The following SCHIP1 variants were observed in gnomAD, a reference collection of about 807,000 sequenced individuals.
The protein encoded by SCHIP1 is schwannomin interacting protein 1.
SCHIP1 carries 8 observed loss-of-function variants against 29.7 expected under a neutral mutation model. The ratio of observed to expected loss-of-function variants is 0.27; its 90% CI spans 0.16 to 0.49. The LOEUF (loss-of-function observed/expected upper bound fraction) is 0.49. SCHIP1 is among the 20% of genes least tolerant of loss of function. The probability of loss-of-function intolerance (pLI) is 0.99; values close to 1 mark genes in which losing one functional copy is unlikely to be tolerated. For missense variants in SCHIP1, 193 were observed against 294.6 expected (o/e 0.66, Z 2.52); for synonymous variants, 76 against 94.9 (o/e 0.80, Z 1.16).
the SCHIP1 span, among the ~76,000 whole-genome samples, chr3:159,587,068 C>T: frequency 1.3e-5 from 2 of 152,140 alleles, no homozygotes; most frequent in African/African-American, 4.8e-5. Flanking sequence ...AGGGCAGATG[C>T]CACTCAGACT....
At chr3:159,511,454 C>T in the SCHIP1 span, among the ~76,000 whole-genome samples, 3 of 152,088 alleles carry the variant, frequency 2.0e-5, no homozygotes, top group Admixed American at 6.6e-5. Flanking sequence ...AGCTCACACT[C>T]GGTGCACTGC....
chr3:159,654,798 TAAGTAA>T, the SCHIP1 span, among the ~76,000 whole-genome samples: 2 of 114,048 alleles, frequency 1.8e-5, no homozygotes, highest in Middle Eastern at 4.0e-3. Context: ...TCTATGACTT[TAAGTAA>T]AAAAAAAAAA....
the SCHIP1 span, among the ~76,000 whole-genome samples, chr3:159,608,008 G>C: frequency 6.6e-6 from 1 of 152,148 alleles, no homozygotes; most frequent in Non-Finnish European, 1.5e-5. Context: ...AGCTGTGAGG[G>C]ACCAAGAGAA....
chr3:159,359,397 T>C, the SCHIP1 span, among the ~76,000 whole-genome samples: 1 of 151,978 alleles, frequency 6.6e-6, no homozygotes, highest in Non-Finnish European at 1.5e-5. Context: ...TGATGGGTCA[T>C]ATGACCTTGA....
the SCHIP1 span, among the ~76,000 whole-genome samples, chr3:159,555,182 C>T: frequency 6.6e-6 from 1 of 152,048 alleles, no homozygotes; most frequent in Non-Finnish European, 1.5e-5. Context: ...GGCTAATTCC[C>T]CTCTCTGACT....
chr3:159,544,363 G>A, the SCHIP1 span, among the ~76,000 whole-genome samples: 1 of 151,932 alleles, frequency 6.6e-6, no homozygotes, highest in Non-Finnish European at 1.5e-5. Context: ...TACACATATT[G>A]GACATATACC....
At chr3:159,315,080 G>A in the SCHIP1 span, among the ~76,000 whole-genome samples, 26 of 152,014 alleles carry the variant, frequency 1.7e-4, no homozygotes, top group African/African-American at 4.8e-4. Context: ...TAGCTATTGC[G>A]AAAAGCTTTT....
At chr3:159,551,313 T>C in the SCHIP1 span, among the ~76,000 whole-genome samples, 3 of 152,172 alleles carry the variant, frequency 2.0e-5, no homozygotes, top group Non-Finnish European at 4.4e-5. Flanking sequence ...TATGCCAAAC[T>C]ATATAATAGA....
At chr3:159,846,819 C>T (rs539230740) in intron 1 of SCHIP1, among the ~76,000 whole-genome samples, 1 of 151,672 alleles carries the variant, frequency 6.6e-6, no homozygotes, top group South Asian at 2.1e-4. Context: ...TTCTGTTTTT[C>T]CAAAGAGGGA....
At chr3:159,563,805 CAG>C in the SCHIP1 span, among the ~76,000 whole-genome samples, 1 of 151,950 alleles carries the variant, frequency 6.6e-6, no homozygotes, top group African/African-American at 2.4e-5. Context: ...GCTTGAGGGA[CAG>C]AGTGAGACCC....
At chr3:159,477,561 CTTG>C in the SCHIP1 span, among the ~76,000 whole-genome samples, 175 of 152,228 alleles carry the variant, frequency 1.1e-3, 2 homozygotes, top group Admixed American at 0.011. Context: ...TGTCCATGTA[CTTG>C]TTGGCCACTT....
chr3:159,349,887 T>C, the SCHIP1 span, among the ~76,000 whole-genome samples: 1 of 152,184 alleles, frequency 6.6e-6, no homozygotes, highest in African/African-American at 2.4e-5. Flanking sequence ...TAAACAGTGG[T>C]GTTGGAAGCT....
chr3:159,820,582 G>T, the SCHIP1 span, among the ~76,000 whole-genome samples: 3 of 152,186 alleles, frequency 2.0e-5, no homozygotes, highest in African/African-American at 7.2e-5. Context: ...GGAGTGGGAA[G>T]TAAAGTAACT....
At chr3:159,892,546 A>G (rs2109510529) in intron 6 of SCHIP1, 1 of 466,674 alleles carries the variant, frequency 2.1e-6, no homozygotes. Context: ...ACAAGCAGCC[A>G]TGTGATGAGT....
At chr3:159,585,947 A>G in the SCHIP1 span, among the ~76,000 whole-genome samples, 1 of 152,068 alleles carries the variant, frequency 6.6e-6, no homozygotes, top group Non-Finnish European at 1.5e-5. Flanking sequence ...TGCCTAGCAT[A>G]ATATTATTGG....
chr3:159,796,993 T>C, the SCHIP1 span, among the ~76,000 whole-genome samples: 1 of 152,222 alleles, frequency 6.6e-6, no homozygotes. Flanking sequence ...TGTTTGGTCT[T>C]AAGCTTTCTG....
the SCHIP1 span, among the ~76,000 whole-genome samples, chr3:159,601,599 G>A: frequency 6.6e-6 from 1 of 152,212 alleles, no homozygotes; most frequent in East Asian, 1.9e-4. Flanking sequence ...GGCAAAGGAT[G>A]TCACTCTTCA....
chr3:159,744,984 A>G, the SCHIP1 span, among the ~76,000 whole-genome samples: 2 of 151,110 alleles, frequency 1.3e-5, no homozygotes, highest in African/African-American at 4.9e-5. Context: ...TCCGTCTCAA[A>G]AAAAAAAAAG....
the SCHIP1 span, among the ~76,000 whole-genome samples, chr3:159,458,562 T>C: frequency 1.5e-5 from 2 of 133,376 alleles, no homozygotes; most frequent in African/African-American, 2.9e-5. Context: ...GAACTGACTT[T>C]TCTTTTTTTT....
Sources: allele counts gnomAD v4.1 joint callset (sites outside exome capture counted in the v4.1 genomes callset), GRCh38; gene constraint gnomAD v4.1.1; transcripts MANE v1.5; gene names NCBI Gene and HGNC (gene_info 2026-07-23, HGNC 2026-07-21).